AMD1: variants seen among roughly 807,000 people sequenced by gnomAD.
AMD1 encodes the protein S-adenosylmethionine decarboxylase proenzyme.
A neutral mutation model predicts 40.2 loss-of-function variants in AMD1; 11 were observed. The ratio of observed to expected loss-of-function variants is 0.27; its 90% CI spans 0.17 to 0.45. The LOEUF is 0.45. Ranked by LOEUF, AMD1 falls within the 20% of genes least tolerant of loss-of-function variation. The pLI is 1.00. For synonymous variants in AMD1, 121 were observed against 130.8 expected (o/e 0.93, Z 0.51); for missense variants, 257 against 410.2 (o/e 0.63, Z 3.23).
rs1269198636 is a variant in AMD1 at position 110,874,972 on chromosome 6, T to C, written c.-134T>C. The C allele has an allele frequency of 9.3e-6, 6 of 643,434 alleles. No homozygotes were observed. In the East Asian group the frequency reaches 1.4e-4, roughly 15 times the overall value. The allele number at this position is 643,434 out of a possible 1,614,324, so 39.9% of individuals were successfully genotyped here. A position where few individuals can be genotyped will look rare whatever the true frequency, so the allele number is the denominator to read the frequency against. On this transcript the variant is annotated 5_prime_UTR_variant, in exon 1 of 9. Transcript: ENST00000368885. ...TTTAAAAAAAGTTAATATAAAATTATAGCAAAAAAAAAAAGGAACCTGAAC... is the reference window on the plus strand; with the variant it reads ...TTTAAAAAAAGTTAATATAAAATTACAGCAAAAAAAAAAAGGAACCTGAAC...
the AMD1 span, chr6:110,858,106 C>G: frequency 3.7e-5 from 18 of 484,882 alleles, 1 homozygote; most frequent in South Asian, 1.5e-4. Flanking sequence ...GGCCTCCCAA[C>G]GTGCTGGGAT....
chr6:110,885,379 G>GT (rs1479948483), intron 1 of AMD1, among the ~76,000 whole-genome samples: 2 of 152,000 alleles, frequency 1.3e-5, no homozygotes, highest in Non-Finnish European at 2.9e-5. Context: ...GCCCAAAGTG[G>GT]TGGGATTACA....
At chr6:110,882,883 CT>C (rs1192157991) in intron 1 of AMD1, among the ~76,000 whole-genome samples, 1 of 152,216 alleles carries the variant, frequency 6.6e-6, no homozygotes, top group African/African-American at 2.4e-5. Context: ...CTTTGGGAAG[CT>C]GAGATGGGAG....
the AMD1 span, chr6:110,856,567 C>T: frequency 6.6e-6 from 1 of 152,212 alleles, no homozygotes; most frequent in African/African-American, 2.4e-5. Context: ...CTGATCCCAT[C>T]AGCTGTGGCT....
the AMD1 span, among the ~76,000 whole-genome samples, chr6:110,841,496 C>G: frequency 6.6e-6 from 1 of 152,130 alleles, no homozygotes; most frequent in African/African-American, 2.4e-5. Context: ...ATTTTTATTA[C>G]TTTTCTAAAT....
Position 110,875,063 on chromosome 6 carries a change from G to A in AMD1, c.-43G>A, listed in dbSNP as rs1345649125. On this transcript the variant is annotated 5_prime_UTR_variant, in exon 1 of 9. Coordinates refer to ENST00000368885, the MANE Select transcript of AMD1 (RefSeq NM_001634.6). ...GCGGCGGGAGAAGAGGTTTAATTTAGTTGATTTTCTGTGGTTGTTGGTTGT... is the reference window on the plus strand; with the variant it reads ...GCGGCGGGAGAAGAGGTTTAATTTAATTGATTTTCTGTGGTTGTTGGTTGT... 1 of 1,513,108 alleles carries A rather than the reference G, an allele frequency of 6.6e-7. No individual in the cohort carries two copies. The allele number at this position is 1,513,108 out of a possible 1,614,324, so 93.7% of individuals were successfully genotyped here.
the AMD1 span, among the ~76,000 whole-genome samples, chr6:110,860,860 CACACACACACAG>C: frequency 6.6e-6 from 1 of 150,508 alleles, no homozygotes; most frequent in African/African-American, 2.5e-5. Context: ...CACACACACA[CACACACACACAG>C]AGAGAGAGAA....
At chr6:110,865,755 T>C in the AMD1 span, among the ~76,000 whole-genome samples, 6 of 152,146 alleles carry the variant, frequency 3.9e-5, no homozygotes, top group Admixed American at 2.6e-4. Context: ...AATTTTCTTT[T>C]TTTCTTTCTT....
chr6:110,822,775 A>G, the AMD1 span, among the ~76,000 whole-genome samples: 1 of 152,326 alleles, frequency 6.6e-6, no homozygotes, highest in African/African-American at 2.4e-5. Flanking sequence ...GAATGGTTCA[A>G]TATACACAAG....
chr6:110,826,957 G>A, the AMD1 span, among the ~76,000 whole-genome samples: 1 of 152,162 alleles, frequency 6.6e-6, no homozygotes, highest in Non-Finnish European at 1.5e-5. Context: ...CTCCCAGAGT[G>A]CTGGGATTAC....
intron 1 of AMD1, among the ~76,000 whole-genome samples, chr6:110,879,448 G>C (rs1785288948): frequency 6.6e-6 from 1 of 152,158 alleles, no homozygotes. Context: ...ATCCCGATTT[G>C]GGGTAAAAAT....
chr6:110,891,040 TAGAG>T (rs1344945668), intron 4 of AMD1: 3 of 152,200 alleles, frequency 2.0e-5, no homozygotes, highest in African/African-American at 4.8e-5. Flanking sequence ...TCATACAGCA[TAGAG>T]AGAGTTCATC....
the AMD1 span, among the ~76,000 whole-genome samples, chr6:110,828,163 G>A: frequency 6.6e-6 from 1 of 152,154 alleles, no homozygotes. Context: ...AGGCCCGGTG[G>A]CTCACGTCTG....
At chr6:110,868,279 C>T in the AMD1 span, among the ~76,000 whole-genome samples, 6 of 152,056 alleles carry the variant, frequency 3.9e-5, no homozygotes, top group African/African-American at 7.2e-5. Flanking sequence ...TCCCAAGTAG[C>T]GGGGACTACA....
chr6:110,886,402 C>A (rs952782014), intron 1 of AMD1, among the ~76,000 whole-genome samples: 1 of 152,028 alleles, frequency 6.6e-6, no homozygotes, highest in Admixed American at 6.6e-5. Context: ...GGATTACAGG[C>A]GATTCTCCTG....
the AMD1 span, among the ~76,000 whole-genome samples, chr6:110,865,190 A>G: frequency 6.6e-6 from 1 of 152,308 alleles, no homozygotes; most frequent in Non-Finnish European, 1.5e-5. Context: ...ATCTTTTCCT[A>G]GTGTCAAGCA....
the AMD1 span, among the ~76,000 whole-genome samples, chr6:110,821,328 G>A: frequency 6.6e-6 from 1 of 152,212 alleles, no homozygotes; most frequent in South Asian, 2.1e-4. Context: ...GCCGGGCACA[G>A]TGGCTCACGC....
chr6:110,890,219 A>G (rs777846535), intron 3 of AMD1, 35 bp from the exon 4 acceptor site: 2 of 1,440,350 alleles, frequency 1.4e-6, no homozygotes, highest in East Asian at 2.3e-5. Context: ...ATCTAAAGTC[A>G]TCTTTTTTTT....
the AMD1 span, among the ~76,000 whole-genome samples, chr6:110,842,923 A>C: frequency 6.6e-6 from 1 of 152,098 alleles, no homozygotes; most frequent in Admixed American, 6.6e-5. Flanking sequence ...TCACAAGGTC[A>C]GGAGTTCGAG....
Sources: gnomAD v4.1 joint callset for allele counts (sites outside exome capture counted in the v4.1 genomes callset) on GRCh38, gnomAD v4.1.1 for gene constraint, MANE v1.5 for transcripts, NCBI Gene and HGNC (gene_info 2026-07-23, HGNC 2026-07-21) for gene names.